Variants in RASA2 observed in about 807,000 individuals in gnomAD.
RASA2 encodes the protein RAS p21 protein activator 2.
A neutral mutation model predicts 118.2 loss-of-function variants in RASA2; 155 were observed. The ratio of observed to expected loss-of-function variants is 1.31; its 90% CI spans 1.15 to 1.50. RASA2 has a LOEUF of 1.50. Among genes scored for constraint, RASA2 ranks in the 40% most tolerant of loss-of-function variants. The probability of loss-of-function intolerance (pLI) is 0.00; values close to 1 mark genes in which losing one functional copy is unlikely to be tolerated. For synonymous variants in RASA2, 353 were observed against 349.1 expected (o/e 1.01, Z -0.12); for missense variants, 1,016 against 1,009.6 (o/e 1.01, Z -0.09).
chr3:141,579,185 A>G (rs1349878876), intron 15 of RASA2, among the ~76,000 whole-genome samples: 1 of 152,162 alleles, frequency 6.6e-6, no homozygotes, highest in Non-Finnish European at 1.5e-5. Context: ...TTCTGTATCT[A>G]AATTTTTCTG....
chr3:141,518,381 GCTGAGGC>G (rs557414582), intron 3 of RASA2, among the ~76,000 whole-genome samples: 46 of 149,416 alleles, frequency 3.1e-4, no homozygotes, highest in African/African-American at 9.4e-4. Context: ...TACTCAGGAG[GCTGAGGC>G]AGAAGAATCG....
intron 10 of RASA2, 83 bp from the exon 11 acceptor site, chr3:141,571,323 C>A: frequency 1.3e-6 from 2 of 1,498,116 alleles, no homozygotes; most frequent in South Asian, 1.3e-5. Flanking sequence ...GACATTATTT[C>A]AGTTACTTTT....
intron 19 of RASA2, among the ~76,000 whole-genome samples, chr3:141,596,645 A>G (rs576075393): frequency 3.9e-5 from 6 of 152,380 alleles, no homozygotes; most frequent in South Asian, 2.1e-4. Context: ...ATAGATATGA[A>G]CAAACATTTT....
chr3:141,489,288 T>G (rs1250244914), intron 1 of RASA2, among the ~76,000 whole-genome samples: 1 of 152,228 alleles, frequency 6.6e-6, no homozygotes, highest in Non-Finnish European at 1.5e-5. Context: ...TTCTTTGTCC[T>G]CCTTTTAAAT....
At chr3:141,590,346 C>G (rs1391682574) in intron 19 of RASA2, among the ~76,000 whole-genome samples, 1 of 152,158 alleles carries the variant, frequency 6.6e-6, no homozygotes, top group Non-Finnish European at 1.5e-5. Flanking sequence ...TTTTCTGTAT[C>G]CTTTGTGGTA....
chr3:141,592,476 G>A (rs547590348), intron 19 of RASA2, among the ~76,000 whole-genome samples: 244 of 152,266 alleles, frequency 1.6e-3, no homozygotes, highest in Non-Finnish European at 2.2e-3. Context: ...TGAGTAAAAT[G>A]GAAAGACATT....
Position 141,540,611 on chromosome 3 carries a change from T to C in RASA2, c.527+2T>C, listed in dbSNP as rs1183906125. 6.2e-7 allele frequency: 1 copy of C among 1,605,702 alleles called. No homozygotes were observed. Among genetic ancestry groups the C allele is most frequent in the Non-Finnish European group, 8.5e-7 (1 of 1,174,536 alleles). On this transcript the variant is annotated splice_donor_variant, in intron 5 of 23. Transcript: ENST00000286364. LOFTEE classifies it high-confidence loss of function. ...TGTATGCCAGCAGCTTGTTGTACAGTAAGCATTTTTTTTAACCAAAATCAA... is the reference window on the plus strand; with the variant it reads ...TGTATGCCAGCAGCTTGTTGTACAGCAAGCATTTTTTTTAACCAAAATCAA...
At chr3:141,584,304 C>A (rs1422605639) in intron 17 of RASA2, among the ~76,000 whole-genome samples, 1 of 135,918 alleles carries the variant, frequency 7.4e-6, no homozygotes, top group African/African-American at 2.8e-5. Flanking sequence ...GCGCTCCAGC[C>A]TGGGCGACAG....
intron 21 of RASA2, 95 bp from the exon 22 acceptor site, chr3:141,609,325 G>C (rs1365014877): frequency 1.5e-6 from 1 of 668,508 alleles, no homozygotes; most frequent in African/African-American, 1.9e-5. Flanking sequence ...GCAAAAGTCT[G>C]TGGTTCTATT....
intron 19 of RASA2, among the ~76,000 whole-genome samples, chr3:141,599,156 A>C (rs907532738): frequency 1.3e-5 from 2 of 149,650 alleles, no homozygotes; most frequent in Admixed American, 6.7e-5. Context: ...ACTACAAAAC[A>C]CTCCGGAGAT....
At chr3:141,567,015 C>T (rs1424392744) in intron 9 of RASA2, among the ~76,000 whole-genome samples, 1 of 152,156 alleles carries the variant, frequency 6.6e-6, no homozygotes, top group Non-Finnish European at 1.5e-5. Flanking sequence ...ACCTGTGAAT[C>T]TGTTTTAGTA....
rs191944156 is a variant in RASA2 at position 141,564,835 on chromosome 3, G to C, written c.863+4840G>C. 8.0e-4 allele frequency among the ~76,000 whole-genome samples: 122 copies of C among 152,202 alleles called. 2 individuals carry two copies. The highest frequency in any genetic ancestry group is 1.4e-3 in the Non-Finnish European group (94 of 67,994). ...CACTCTTCTCCCTACTTTTGTAAGT[G>C]AGCATTTCTATAATAAAATGCATTG... On this transcript the variant is annotated intron_variant, in intron 9 of 23. Coordinates refer to ENST00000286364, the MANE Select transcript of RASA2 (RefSeq NM_006506.5).
At chr3:141,548,692 C>G (rs1331309640) in intron 5 of RASA2, among the ~76,000 whole-genome samples, 1 of 152,114 alleles carries the variant, frequency 6.6e-6, no homozygotes, top group East Asian at 1.9e-4. Flanking sequence ...TGGGAAGATT[C>G]ATATCCTAGT....
chr3:141,612,653 G>A lies in RASA2; in HGVS notation c.*340G>A, dbSNP rs2083670276. On this transcript the variant is annotated 3_prime_UTR_variant, in exon 24 of 24. Transcript: ENST00000286364. The stretch of plus-strand genomic sequence containing the variant: ...AAACCATCTCTTCTTGTAACACTCT[G>A]TTCTGTGGACTTGTTTTCACTACCA... 1 of 206,020 alleles carries A rather than the reference G, an allele frequency of 4.9e-6. No homozygotes were observed. Among genetic ancestry groups the A allele is most frequent in the Non-Finnish European group, 9.7e-6 (1 of 103,192 alleles). The allele number at this position is 206,020 out of a possible 1,614,324, so 12.8% of individuals were successfully genotyped here.
At chr3:141,523,349 T>C (rs2082139440) in intron 3 of RASA2, among the ~76,000 whole-genome samples, 1 of 152,126 alleles carries the variant, frequency 6.6e-6, no homozygotes, top group Non-Finnish European at 1.5e-5. Flanking sequence ...GGTCTCAAAC[T>C]CTTATCCACC....
In RASA2 at chr3:141,613,572, C is replaced by G. The variant is rs1441334138; in HGVS notation, c.*1259C>G. On this transcript the variant is annotated 3_prime_UTR_variant, in exon 24 of 24. Transcript: ENST00000286364. ...TACTCTTATTTTGTCTTTTTTAATT[C>G]AAAACATTTTCTAAATGTGGTACTT... is the stretch of plus-strand genomic sequence containing the variant. 6.6e-6 allele frequency: 1 copy of G among 152,042 alleles called. No individual in the cohort carries two copies. Among genetic ancestry groups the G allele is most frequent in the Non-Finnish European group, 1.5e-5 (1 of 67,992 alleles). 9.4% of individuals were successfully genotyped at this position (152,042 alleles called of 1,614,324 possible). A position where few individuals can be genotyped will look rare whatever the true frequency, so the allele number is the denominator to read the frequency against.
chr3:141,524,023 A>G (rs184002021), intron 3 of RASA2, among the ~76,000 whole-genome samples: 52 of 152,358 alleles, frequency 3.4e-4, no homozygotes, highest in Non-Finnish European at 5.9e-5. Flanking sequence ...CTGTTTGCAC[A>G]GGGACTATAT....
At chr3:141,554,986 C>A (rs1349167863) in intron 6 of RASA2, among the ~76,000 whole-genome samples, 1 of 152,018 alleles carries the variant, frequency 6.6e-6, no homozygotes, top group African/African-American at 2.4e-5. Flanking sequence ...TCTGGCCAGG[C>A]GCAGGTGGCT....
chr3:141,536,956 A>T (rs1049092174), intron 4 of RASA2, among the ~76,000 whole-genome samples: 2 of 152,138 alleles, frequency 1.3e-5, no homozygotes, highest in African/African-American at 4.8e-5. Flanking sequence ...CGTGTTGGTC[A>T]GGCTGGTCTC....
Sources: gnomAD v4.1 joint callset for allele counts (sites outside exome capture counted in the v4.1 genomes callset) on GRCh38, gnomAD v4.1.1 for gene constraint, MANE v1.5 for transcripts, NCBI Gene and HGNC (gene_info 2026-07-23, HGNC 2026-07-21) for gene names.